THSD4: variants seen among roughly 807,000 people sequenced by gnomAD.
THSD4 encodes the protein thrombospondin type 1 domain containing 4, also known as thrombospondin type-1 domain-containing protein 4.
A neutral mutation model predicts 119.0 loss-of-function variants in THSD4; 69 were observed. That is an observed-to-expected ratio of 0.58 (90% confidence interval 0.48 to 0.71). THSD4 has a LOEUF of 0.71. Among genes scored for constraint, THSD4 ranks in the 30% least tolerant of loss-of-function variants. The pLI, the probability that THSD4 is intolerant of heterozygous loss-of-function variation, is 0.00. For missense variants in THSD4, 1,393 were observed against 1,391.1 expected (o/e 1.00, Z -0.02); for synonymous variants, 524 against 540.4 (o/e 0.97, Z 0.42).
chr15:71,321,253 A>C (rs1212379439), intron 6 of THSD4, among the ~76,000 whole-genome samples: 1 of 150,734 alleles, frequency 6.6e-6, no homozygotes, highest in East Asian at 1.9e-4. Flanking sequence ...TTTTGTTATC[A>C]GGCCAGGCGC....
chr15:71,585,948 T>C lies in THSD4; in HGVS notation c.1153-74582T>C, dbSNP rs575663944. Among the ~76,000 whole-genome samples the C allele has an allele frequency of 2.0e-5, 3 of 152,360 alleles. No homozygotes were observed. The South Asian group carries it at 6.2e-4, about 32-fold the overall frequency. On this transcript the variant is annotated intron_variant, in intron 7 of 17. Transcript: ENST00000261862. The stretch of plus-strand genomic sequence containing the variant: ...GGATTTTTTATAGTTTGTATTTCTT[T>C]ATCAAACTTCTAATTTTATGCATGT...
intron 7 of THSD4, among the ~76,000 whole-genome samples, chr15:71,574,175 GTTCAA>G (rs1045548389): frequency 7.2e-5 from 11 of 152,150 alleles, no homozygotes; most frequent in African/African-American, 1.9e-4. Context: ...ACAGCCCTTA[GTTCAA>G]GTATATGCCT....
intron 6 of THSD4, among the ~76,000 whole-genome samples, chr15:71,306,830 CT>C (rs2045037340): frequency 1.3e-5 from 2 of 152,316 alleles, no homozygotes; most frequent in East Asian, 1.9e-4. Flanking sequence ...TTATAGACCC[CT>C]GTATGATATG....
At chr15:71,581,445 A>T (rs1381865064) in intron 7 of THSD4, among the ~76,000 whole-genome samples, 3 of 152,018 alleles carry the variant, frequency 2.0e-5, no homozygotes, top group African/African-American at 7.2e-5. Context: ...CCTTATCAGG[A>T]TATATGTTTT....
At chr15:71,174,345 G>A (rs559436932) in intron 3 of THSD4, among the ~76,000 whole-genome samples, 2 of 152,002 alleles carry the variant, frequency 1.3e-5, no homozygotes, top group South Asian at 4.2e-4. Flanking sequence ...GGGTCAGGGA[G>A]TTCCCTTTCC....
At chr15:71,376,279 G>A (rs1034157204) in intron 6 of THSD4, among the ~76,000 whole-genome samples, 3 of 152,188 alleles carry the variant, frequency 2.0e-5, no homozygotes, top group Admixed American at 6.5e-5. Flanking sequence ...GGGCCTGGCT[G>A]CAGGCTCTCT....
chr15:71,635,178 A>G (rs1020256447), intron 7 of THSD4, among the ~76,000 whole-genome samples: 3 of 152,248 alleles, frequency 2.0e-5, no homozygotes, highest in African/African-American at 7.2e-5. Context: ...CAGGGAATGT[A>G]GGACTTCATT....
At chr15:71,384,369 C>A (rs560724785) in intron 6 of THSD4, among the ~76,000 whole-genome samples, 21 of 151,478 alleles carry the variant, frequency 1.4e-4, no homozygotes, top group African/African-American at 4.4e-4. Flanking sequence ...CGGTACAGAG[C>A]AAGACTCCGT....
At chr15:71,346,927 G>A (rs2045670761) in intron 6 of THSD4, among the ~76,000 whole-genome samples, 1 of 129,720 alleles carries the variant, frequency 7.7e-6, no homozygotes, top group East Asian at 2.4e-4. Flanking sequence ...AGGTTGGAGT[G>A]CAATGGTGTG....
chr15:71,746,133 T>TA (rs1418634395), intron 12 of THSD4, among the ~76,000 whole-genome samples: 1 of 152,202 alleles, frequency 6.6e-6, no homozygotes, highest in Non-Finnish European at 1.5e-5. Flanking sequence ...GCAAAACTGA[T>TA]ACGGGAATTG....
intron 6 of THSD4, among the ~76,000 whole-genome samples, chr15:71,353,544 A>T (rs2045770970): frequency 6.6e-6 from 1 of 152,236 alleles, no homozygotes. Context: ...CTGACCCAGA[A>T]GGAGTCATTG....
chr15:71,547,005 C>T (rs1297870182), intron 7 of THSD4, among the ~76,000 whole-genome samples: 1 of 152,244 alleles, frequency 6.6e-6, no homozygotes, highest in African/African-American at 2.4e-5. Context: ...AATTCACTGC[C>T]TCCTCCCTGC....
At chr15:71,707,138 G>A (rs2052407650) in intron 8 of THSD4, among the ~76,000 whole-genome samples, 1 of 152,112 alleles carries the variant, frequency 6.6e-6, no homozygotes, top group South Asian at 2.1e-4. Flanking sequence ...CAGCAATCAG[G>A]TCAGTCTCAC....
intron 7 of THSD4, among the ~76,000 whole-genome samples, chr15:71,476,811 C>T (rs2047661233): frequency 6.6e-6 from 1 of 152,222 alleles, no homozygotes; most frequent in African/African-American, 2.4e-5. Context: ...TACCCAGCAT[C>T]AGCATCCCTC....
rs529960600 is a variant in THSD4 at position 71,382,067 on chromosome 15, T to G, written c.1016-29620T>G. ...AGTTTAAAACACTTAAATATGACCT[T>G]GGTTATGTATTTAATCAAGATGACA... On this transcript the variant is annotated intron_variant, in intron 6 of 17. Coordinates refer to ENST00000261862, the MANE Select transcript of THSD4 (RefSeq NM_024817.3). Among the ~76,000 whole-genome samples, 218 of 152,276 alleles carry G rather than the reference T, an allele frequency of 1.4e-3. 2 individuals are homozygous for G. Among genetic ancestry groups the G allele is most frequent in the African/African-American group, 5.0e-3 (209 of 41,566 alleles).
At chr15:71,771,606 G>A (rs1389356298) in intron 17 of THSD4, among the ~76,000 whole-genome samples, 1 of 152,094 alleles carries the variant, frequency 6.6e-6, no homozygotes, top group African/African-American at 2.4e-5. Context: ...AGGGGAGGAG[G>A]CCAAGAATTG....
At chr15:71,198,718 A>G (rs1355682564) in intron 3 of THSD4, among the ~76,000 whole-genome samples, 1 of 152,018 alleles carries the variant, frequency 6.6e-6, no homozygotes, top group African/African-American at 2.4e-5. Context: ...CAGGAACCCC[A>G]GCTGGCATAT....
At chr15:71,564,478 A>G (rs1400437583) in intron 7 of THSD4, among the ~76,000 whole-genome samples, 1 of 152,134 alleles carries the variant, frequency 6.6e-6, no homozygotes, top group Non-Finnish European at 1.5e-5. Flanking sequence ...GGAGGGAGGT[A>G]AACTTCTCAG....
chr15:71,168,526 C>T (rs560464543), intron 3 of THSD4, among the ~76,000 whole-genome samples: 8 of 152,234 alleles, frequency 5.3e-5, no homozygotes, highest in Middle Eastern at 3.4e-3. Flanking sequence ...CTCATTGTCA[C>T]GGCCACCAGC....
Sources: gnomAD v4.1 joint callset for allele counts (sites outside exome capture counted in the v4.1 genomes callset) on GRCh38, gnomAD v4.1.1 for gene constraint, MANE v1.5 for transcripts, NCBI Gene and HGNC (gene_info 2026-07-23, HGNC 2026-07-21) for gene names.